The following SH3PXD2B variants were observed in gnomAD, a reference collection of about 807,000 sequenced individuals.
The protein encoded by SH3PXD2B is SH3 and PX domains 2B.
A neutral mutation model predicts 73.1 loss-of-function variants in SH3PXD2B; 37 were observed. The observed-to-expected ratio is 0.51, with a 90% CI of 0.39 to 0.67. The LOEUF (loss-of-function observed/expected upper bound fraction) is 0.67. Ranked by LOEUF, SH3PXD2B falls within the 30% of genes least tolerant of loss-of-function variation. The probability of loss-of-function intolerance (pLI) is 0.00; values close to 1 mark genes in which losing one functional copy is unlikely to be tolerated. For missense variants in SH3PXD2B, 1,053 were observed against 1,197.8 expected, an observed-to-expected ratio of 0.88 and a Z score of 1.78; for synonymous variants, 457 against 480.5, an observed-to-expected ratio of 0.95 and a Z score of 0.64.
chr5:172,343,908 A>G (rs937064733), intron 12 of SH3PXD2B, among the ~76,000 whole-genome samples: 3 of 152,088 alleles, frequency 2.0e-5, no homozygotes, highest in African/African-American at 7.2e-5. Context: ...TAGCTGTGTT[A>G]CTAGAGGCAA....
At chr5:172,439,239 AAAAAAAAAAAAG>A (rs1759465898) in intron 1 of SH3PXD2B, among the ~76,000 whole-genome samples, 2 of 97,700 alleles carry the variant, frequency 2.0e-5, no homozygotes, top group African/African-American at 5.1e-5. Context: ...GAAAAAACAG[AAAAAAAAAAAAG>A]AAAAAAAAAA....
At position 172,376,125 on chromosome 5, in the gene SH3PXD2B, G is replaced by A. The variant is rs553909594; in HGVS notation, c.402-2310C>T. On this transcript the variant is annotated intron_variant, in intron 5 of 12. Coordinates refer to ENST00000311601, the MANE Select transcript of SH3PXD2B (RefSeq NM_001017995.3). ...GCTCACTGCAACCTCTGCCTCCCAG[G>A]TTCAAACGATTCTCCTGCCTCAGCC... Among the ~76,000 whole-genome samples the A allele has an allele frequency of 2.6e-5, 4 of 151,552 alleles. No individual in the cohort carries two copies. The East Asian group carries it at 7.7e-4, about 29-fold the overall frequency.
At chr5:172,414,597 C>T (rs543290858) in intron 2 of SH3PXD2B, among the ~76,000 whole-genome samples, 5 of 152,230 alleles carry the variant, frequency 3.3e-5, no homozygotes, top group African/African-American at 1.2e-4. Context: ...CAGCCTCCAC[C>T]TGTGATTTGA....
chr5:172,344,665 A>G (rs1756949426), intron 12 of SH3PXD2B, among the ~76,000 whole-genome samples: 1 of 151,150 alleles, frequency 6.6e-6, no homozygotes, highest in South Asian at 2.1e-4. Context: ...GAAGGGGCAG[A>G]TTTTTCTATA....
chr5:172,340,334 C>T (rs1756823946), intron 12 of SH3PXD2B, among the ~76,000 whole-genome samples: 1 of 152,188 alleles, frequency 6.6e-6, no homozygotes, highest in Admixed American at 6.5e-5. Flanking sequence ...ACGGGTCCCT[C>T]TGGGGATGCG....
At chr5:172,439,688 G>GCACACACACACACACACACACA (rs1166130299) in intron 1 of SH3PXD2B, among the ~76,000 whole-genome samples, 4 of 104,170 alleles carry the variant, frequency 3.8e-5, no homozygotes, top group African/African-American at 4.1e-5. Context: ...GCGCGCACGC[G>GCACACACACACACACACACACA]CGCGCACACA....
At chr5:172,411,424 G>A (rs190900468) in intron 2 of SH3PXD2B, among the ~76,000 whole-genome samples, 3 of 150,434 alleles carry the variant, frequency 2.0e-5, no homozygotes, top group African/African-American at 7.4e-5. Context: ...AGATCAGCAT[G>A]GCCCAAGGAG....
At chr5:172,439,682 G>GCGCACACACACA (rs1472575427) in intron 1 of SH3PXD2B, among the ~76,000 whole-genome samples, 1 of 109,490 alleles carries the variant, frequency 9.1e-6, no homozygotes, top group African/African-American at 3.7e-5. Context: ...GTGCGTGCGC[G>GCGCACACACACA]CACGCGCGCG....
chr5:172,361,826 C>A (rs1055438861), intron 7 of SH3PXD2B, among the ~76,000 whole-genome samples: 1 of 152,190 alleles, frequency 6.6e-6, no homozygotes, highest in Non-Finnish European at 1.5e-5. Context: ...ACTAATGCCA[C>A]CACCATCCAG....
chr5:172,371,185 G>T (rs538769533), intron 6 of SH3PXD2B, among the ~76,000 whole-genome samples: 101 of 152,270 alleles, frequency 6.6e-4, no homozygotes, highest in African/African-American at 2.2e-3. Flanking sequence ...GGGTAAAGGG[G>T]ATTTTCCTTC....
rs1759477844 is a variant in SH3PXD2B, at chr5:172,439,267, AAAC to A, written c.75+15008_75+15010del. On this transcript the variant is annotated intron_variant, in intron 1 of 12. Transcript: ENST00000311601. ...AAAAAAAAAGAAAAAAAAAAAACAA[AAAC>A]AAAAACAAAACAAAAAAAAAACCCC... 4.8e-5 allele frequency among the ~76,000 whole-genome samples: 3 copies of A among 62,882 alleles called. 1 individual carries two copies. The highest frequency in any genetic ancestry group is 1.9e-4 in the African/African-American group (3 of 15,642). 41.3% of individuals were successfully genotyped at this position (62,882 alleles called of 152,430 possible).
chr5:172,329,057 G>GTA (rs1561884386), downstream of SH3PXD2B, among the ~76,000 whole-genome samples: 10 of 105,140 alleles, frequency 9.5e-5, no homozygotes, highest in African/African-American at 3.5e-4. Context: ...GTGTGTGTGT[G>GTA]TGTATATATA....
At chr5:172,404,316 A>ATAT (rs1554139761) in intron 3 of SH3PXD2B, among the ~76,000 whole-genome samples, 6 of 150,266 alleles carry the variant, frequency 4.0e-5, no homozygotes, top group East Asian at 1.9e-4. Flanking sequence ...ATATATATAT[A>ATAT]TTTTTTTTTG....
In SH3PXD2B at chr5:172,337,579, T is replaced by C. The variant is rs571545711; in HGVS notation, c.*790A>G. The stretch of plus-strand genomic sequence containing the variant: ...CAAACTTTGAGATTCTTGCTTTAGG[T>C]AGGCAAAAATGAAATGCTCCAAGTT... On this transcript the variant is annotated 3_prime_UTR_variant, in exon 13 of 13. Coordinates refer to ENST00000311601, the MANE Select transcript of SH3PXD2B (RefSeq NM_001017995.3). The C allele has an allele frequency of 1.1e-5, 11 of 985,536 alleles. No homozygotes were observed. The African/African-American group carries it at 1.7e-4, about 16-fold the overall frequency. 61.0% of individuals were successfully genotyped at this position (985,536 alleles called of 1,614,324 possible).
At chr5:172,340,227 G>T (rs931504231) in intron 12 of SH3PXD2B, among the ~76,000 whole-genome samples, 16 of 152,242 alleles carry the variant, frequency 1.1e-4, no homozygotes, top group African/African-American at 3.9e-4. Context: ...AGAAAGAAGG[G>T]AAAGGGAGAG....
downstream of SH3PXD2B, among the ~76,000 whole-genome samples, chr5:172,332,138 C>T (rs1377340293): frequency 1.3e-5 from 2 of 152,144 alleles, no homozygotes; most frequent in African/African-American, 4.8e-5. Flanking sequence ...CCCCTCCAGC[C>T]CCAGCCGGAA....
At chr5:172,444,803 C>T (rs1759626672) in intron 1 of SH3PXD2B, among the ~76,000 whole-genome samples, 1 of 152,140 alleles carries the variant, frequency 6.6e-6, no homozygotes, top group Non-Finnish European at 1.5e-5. Context: ...AGCACCAGCT[C>T]CTCCCGCTAC....
At chr5:172,340,886 T>C (rs1756834725) in intron 12 of SH3PXD2B, among the ~76,000 whole-genome samples, 1 of 152,182 alleles carries the variant, frequency 6.6e-6, no homozygotes, top group Non-Finnish European at 1.5e-5. Flanking sequence ...TGAGCCACTG[T>C]GCCTGGCCTG....
rs377456406 is a variant in SH3PXD2B, at chr5:172,358,448, G to A, written c.667+325C>T. Among the ~76,000 whole-genome samples, 261 of 152,308 alleles carry A rather than the reference G, an allele frequency of 1.7e-3. 1 individual carries two copies. The highest frequency in any genetic ancestry group is 5.9e-3 in the African/African-American group (246 of 41,580). On this transcript the variant is annotated intron_variant, in intron 8 of 12. Transcript: ENST00000311601. Reference sequence around the variant, plus strand: ...CTGAAGCAGTTCCAGCACCTTGGCCGCCAGAATAATTCGAGGGAGGAATAG... The same window carrying A: ...CTGAAGCAGTTCCAGCACCTTGGCCACCAGAATAATTCGAGGGAGGAATAG...
Sources: gnomAD v4.1 joint callset for allele counts (sites outside exome capture counted in the v4.1 genomes callset) on GRCh38, gnomAD v4.1.1 for gene constraint, MANE v1.5 for transcripts, NCBI Gene and HGNC (gene_info 2026-07-23, HGNC 2026-07-21) for gene names.